CRAMP1: variants seen among roughly 807,000 people sequenced by gnomAD.
The protein encoded by CRAMP1 is cramped chromatin regulator 1.
A neutral mutation model predicts 115.4 loss-of-function variants in CRAMP1; 50 were observed. The ratio of observed to expected loss-of-function variants is 0.43; its 90% CI spans 0.35 to 0.55. CRAMP1 has a LOEUF of 0.55. Ranked by LOEUF, CRAMP1 falls within the 20% of genes least tolerant of loss-of-function variation. The probability of loss-of-function intolerance (pLI) is 0.01; values close to 1 mark genes in which losing one functional copy is unlikely to be tolerated. For missense variants in CRAMP1, 1,679 were observed against 1,721.7 expected (o/e 0.98, Z 0.44); for synonymous variants, 866 against 745.4 (o/e 1.16, Z -2.64).
chr16:1,671,802 G>A lies in CRAMP1; in HGVS notation c.3645+993G>A, dbSNP rs1371089818. On this transcript the variant is annotated intron_variant, in intron 20 of 20. Transcript: ENST00000397412. This position sits in a 1 kb window ranked among gnomAD's most constrained non-coding sequence, Gnocchi z 5.0. Reference sequence around the variant, plus strand: ...GCTACCCAGTATCCGAATGTGAATCGTGACTCTTGAGATGATGAACTCATG... The same window carrying A: ...GCTACCCAGTATCCGAATGTGAATCATGACTCTTGAGATGATGAACTCATG... Among the ~76,000 whole-genome samples the A allele has an allele frequency of 6.6e-6, 1 of 152,194 alleles. No individual in the cohort carries two copies. Among genetic ancestry groups the A allele is most frequent in the Admixed American group, 6.5e-5 (1 of 15,286 alleles).
chr16:1,616,806 A>G (rs772557133), intron 2 of CRAMP1, among the ~76,000 whole-genome samples: 16 of 151,772 alleles, frequency 1.1e-4, no homozygotes, highest in Non-Finnish European at 1.3e-4. Flanking sequence ...CCACTTTAGC[A>G]AGCAAATATA....
At chr16:1,655,381 G>A (rs1010476983) in intron 9 of CRAMP1, 81 bp downstream of exon 9, 4 of 1,111,958 alleles carry the variant, frequency 3.6e-6, no homozygotes, top group Admixed American at 1.7e-5. Flanking sequence ...CCCTGTGCCT[G>A]TCATCGTCAT....
chr16:1,641,878 TGGGGGGTCCCCACTCTGGAGCCTGGG>T (rs945315385), intron 6 of CRAMP1, among the ~76,000 whole-genome samples: 20 of 150,098 alleles, frequency 1.3e-4, no homozygotes, highest in Admixed American at 7.3e-4. Flanking sequence ...CTCCGCAGCC[TGGGGGGTCCCCACTCTGGAGCCTGGG>T]GGGGGGTCCC....
intron 4 of CRAMP1, among the ~76,000 whole-genome samples, chr16:1,637,200 A>G (rs1232531914): frequency 6.6e-6 from 1 of 152,098 alleles, no homozygotes; most frequent in African/African-American, 2.4e-5. Context: ...AGGCTGAGGC[A>G]GGAGAATCTC....
chr16:1,639,914 T>A (rs17135456), intron 5 of CRAMP1, among the ~76,000 whole-genome samples: 1 of 152,214 alleles, frequency 6.6e-6, no homozygotes. Context: ...CTCATGAGGA[T>A]GCTCAAGTTT....
intron 6 of CRAMP1, among the ~76,000 whole-genome samples, chr16:1,645,133 C>T (rs1050890806): frequency 2.6e-5 from 4 of 151,968 alleles, no homozygotes; most frequent in Admixed American, 6.6e-5. Flanking sequence ...TACAGAGCTA[C>T]GCCCCTCCCC....
rs372279645 is a variant in CRAMP1 at position 1,656,904 on chromosome 16, G to A, written c.2147G>A (p.Arg716His). The change falls in exon 10 of 21, where the codon CGC (arginine) becomes CAC (histidine). Residue 716 changes from arginine (R) to histidine (H), a missense_variant. This residue lies in a region of CRAMP1 where 709 missense variants were observed against 741.9 expected (regional missense o/e 0.96). Coordinates refer to ENST00000397412, the MANE Select transcript of CRAMP1 (RefSeq NM_020825.4). The surrounding 1 kb of genome is among the most constrained non-coding windows in gnomAD (Gnocchi z 5.6). ...DWLGPGRQDP[R>H]PGSLPTALHK... ...CTGGGGCCCGGCCGCCAGGACCCCC[G>A]CCCCGGCTCCCTACCCACCGCCCTC... The A allele has an allele frequency of 4.5e-6, 7 of 1,552,218 alleles. No individual in the cohort carries two copies. Among genetic ancestry groups the A allele is most frequent in the African/African-American group, 1.4e-5 (1 of 73,222 alleles).
rs750272433 is a variant in CRAMP1 at position 1,626,028 on chromosome 16, C to T, written c.402C>T (p.Ala134=). 6.4e-7 allele frequency: 1 copy of T among 1,551,636 alleles called. No individual in the cohort carries two copies. Among genetic ancestry groups the T allele is most frequent in the Non-Finnish European group, 8.7e-7 (1 of 1,146,954 alleles). The change falls in exon 3 of 21, where the codon GCC becomes GCT. Residue 134 remains alanine (A), a synonymous_variant. Coordinates refer to ENST00000397412, the MANE Select transcript of CRAMP1 (RefSeq NM_020825.4). The stretch of plus-strand genomic sequence containing the variant: ...ATGTGTCTGGGGTTGCCCCTGCTGC[C>T]CCTGCAGGGGGCTCGCGCTCCTCCT... ...SGNVSGVAPA[A]PAGGSRSSSR...
rs181188974 is a variant in CRAMP1 at position 1,626,174 on chromosome 16, G to A, written c.540+8G>A. 1,734 of 1,477,128 alleles carry A rather than the reference G, an allele frequency of 1.2e-3. 1 individual carries two copies. The highest frequency in any genetic ancestry group is 1.4e-3 in the Non-Finnish European group (1,595 of 1,107,332). 91.5% of individuals were successfully genotyped at this position (1,477,128 alleles called of 1,614,324 possible). A position where few individuals can be genotyped will look rare whatever the true frequency, so the allele number is the denominator to read the frequency against. ...TTCGAGGGGCTGTACGAGGTGAGTAGGCTGTGGAGGCACGGCCAGGCAGCC... is the reference window on the plus strand; with the variant it reads ...TTCGAGGGGCTGTACGAGGTGAGTAAGCTGTGGAGGCACGGCCAGGCAGCC... On this transcript the variant is annotated splice_region_variant and intron_variant, in intron 3 of 20. Coordinates refer to ENST00000397412, the MANE Select transcript of CRAMP1 (RefSeq NM_020825.4).
At chr16:1,663,867 G>A (rs1398905924) in intron 13 of CRAMP1, among the ~76,000 whole-genome samples, 1 of 152,134 alleles carries the variant, frequency 6.6e-6, no homozygotes, top group East Asian at 1.9e-4. Context: ...AAAGTTTACT[G>A]GCACACAGCC....
intron 17 of CRAMP1, 49 bp from the exon 18 acceptor site, chr16:1,667,913 G>C: frequency 8.2e-7 from 1 of 1,226,758 alleles, no homozygotes; most frequent in African/African-American, 1.5e-5. Context: ...CCCTTGTCAT[G>C]GGTTCTGATA....
At chr16:1,612,700 C>A (rs1385013840) in intron 1 of CRAMP1, among the ~76,000 whole-genome samples, 43 bp downstream of exon 1, 1 of 152,048 alleles carries the variant, frequency 6.6e-6, no homozygotes, top group African/African-American at 2.4e-5. Flanking sequence ...CGAGGCCCGG[C>A]CGGGGGGTCC....
At chr16:1,638,260 G>A (rs191855821) in intron 5 of CRAMP1, among the ~76,000 whole-genome samples, 4 of 152,294 alleles carry the variant, frequency 2.6e-5, no homozygotes, top group East Asian at 1.9e-4. Context: ...TACCATGGTC[G>A]CACCTAGACT....
At chr16:1,635,765 C>T (rs1016276827) in intron 4 of CRAMP1, among the ~76,000 whole-genome samples, 1 of 152,246 alleles carries the variant, frequency 6.6e-6, no homozygotes, top group Non-Finnish European at 1.5e-5. Context: ...GCCATTGCCA[C>T]TCTCTAGTTG....
At position 1,669,140 on chromosome 16, in the gene CRAMP1, C is replaced by T. The variant is rs756806081; in HGVS notation, c.3474C>T (p.Thr1158=). ...HDPQWYPSDS[T]DSSLSSLFAS... is the part of the protein sequence containing the mutation. ...CCCAGTGGTACCCCAGTGACTCCACCGACTCCTCGCTCAGCAGCCTGTTTG... is the reference window on the plus strand; with the variant it reads ...CCCAGTGGTACCCCAGTGACTCCACTGACTCCTCGCTCAGCAGCCTGTTTG... Residue 1158 remains threonine, a synonymous_variant, in exon 19 of 21, where the codon ACC becomes ACT. Transcript: ENST00000397412. The surrounding 1 kb of genome is among the most constrained non-coding windows in gnomAD (Gnocchi z 4.6). 35 of 1,605,252 alleles carry T rather than the reference C, an allele frequency of 2.2e-5. No individual in the cohort carries two copies. In the East Asian group the frequency reaches 4.7e-4, roughly 22 times the overall value.
chr16:1,647,134 G>A, intron 6 of CRAMP1: 1 of 696,744 alleles, frequency 1.4e-6, no homozygotes, highest in Non-Finnish European at 2.6e-6. Context: ...TGGGGTATTT[G>A]ACTTGCTGTC....
chr16:1,644,699 AG>A (rs2036659170), intron 6 of CRAMP1, among the ~76,000 whole-genome samples: 2 of 152,074 alleles, frequency 1.3e-5, no homozygotes, highest in South Asian at 4.1e-4. Context: ...GGAGAGGAAG[AG>A]TGCAGAGCTG....
Position 1,666,591 on chromosome 16 carries a change from C to T in CRAMP1, c.3027C>T (p.Pro1009=). The change falls in exon 16 of 21, where the codon CCC becomes CCT. Residue 1009 remains proline (P), a synonymous_variant. Coordinates refer to ENST00000397412, the MANE Select transcript of CRAMP1 (RefSeq NM_020825.4). The surrounding 1 kb of genome is among the most constrained non-coding windows in gnomAD (Gnocchi z 5.0). Reference sequence around the variant, plus strand: ...CTCACCAGGATGGAGACACCCTCCCCACCGTGGGGGTGAGTATGTTTAGAA... The same window carrying T: ...CTCACCAGGATGGAGACACCCTCCCTACCGTGGGGGTGAGTATGTTTAGAA... The part of the protein sequence containing the change: ...TGTHQDGDTL[P]TVGGSDPFVS... 1 of 1,613,780 alleles carries T rather than the reference C, an allele frequency of 6.2e-7. No homozygotes were observed. The highest frequency in any genetic ancestry group is 2.2e-5 in the East Asian group (1 of 44,870).
Position 1,655,295 on chromosome 16 carries a change from C to T in CRAMP1, c.1114C>T (p.Arg372Ter), listed in dbSNP as rs1446172327. 1.9e-6 allele frequency: 3 copies of T among 1,613,488 alleles called. No homozygotes were observed. Among genetic ancestry groups the T allele is most frequent in the South Asian group, 1.1e-5 (1 of 91,078 alleles). The change falls in exon 9 of 21, where the codon CGA (arginine) becomes TGA (stop). Residue 372 changes from arginine (R) to a stop codon, truncating the protein, a stop_gained. Coordinates refer to ENST00000397412, the MANE Select transcript of CRAMP1 (RefSeq NM_020825.4). LOFTEE classifies it high-confidence loss of function. ...LKQKWALHEV[R>*]VRKTLEERQL... Reference sequence around the variant, plus strand: ...GCAGAAGTGGGCGCTCCATGAGGTGCGAGTTGTATCCTTTTCCAGCTAAAG... The same window carrying T: ...GCAGAAGTGGGCGCTCCATGAGGTGTGAGTTGTATCCTTTTCCAGCTAAAG...
Sources: gnomAD v4.1 joint callset for allele counts (sites outside exome capture counted in the v4.1 genomes callset) on GRCh38, gnomAD v4.1.1 for gene constraint, gnomAD v4.1.1 regional missense constraint, Gnocchi (gnomAD v3.1) non-coding constraint, MANE v1.5 for transcripts, NCBI Gene and HGNC (gene_info 2026-07-23, HGNC 2026-07-21) for gene names.